Variants in SIAH2 observed in about 807,000 individuals in gnomAD.
SIAH2 encodes E3 ubiquitin-protein ligase SIAH2.
SIAH2 carries 4 observed loss-of-function variants against 20.4 expected under a neutral mutation model. That is an observed-to-expected ratio of 0.20 (90% confidence interval 0.10 to 0.45). The LOEUF is 0.45. SIAH2 is among the 20% of genes least tolerant of loss of function. SIAH2 has a pLI of 0.99. For missense variants in SIAH2, 259 were observed against 440.3 expected, an observed-to-expected ratio of 0.59 and a Z score of 3.69; for synonymous variants, 171 against 192.5, an observed-to-expected ratio of 0.89 and a Z score of 0.93.
At chr3:150,743,693 G>A (rs988797734) in intron 1 of SIAH2, among the ~76,000 whole-genome samples, 9 of 152,066 alleles carry the variant, frequency 5.9e-5, no homozygotes, top group Admixed American at 3.3e-4. Context: ...CATACCTGCC[G>A]TGGCAAAAGA....
At chr3:150,758,529 T>C (rs1415693439) in intron 1 of SIAH2, among the ~76,000 whole-genome samples, 2 of 150,262 alleles carry the variant, frequency 1.3e-5, no homozygotes. Context: ...GATTAAAAAA[T>C]ACCCCAAGCG....
intron 1 of SIAH2, among the ~76,000 whole-genome samples, chr3:150,755,242 A>G (rs1400477567): frequency 6.6e-6 from 1 of 151,376 alleles, no homozygotes; most frequent in African/African-American, 2.4e-5. Context: ...CAAAGATACT[A>G]TCTTTGCTGA....
intron 1 of SIAH2, among the ~76,000 whole-genome samples, chr3:150,757,613 G>C (rs757826399): frequency 9.2e-5 from 14 of 151,940 alleles, no homozygotes; most frequent in Non-Finnish European, 1.9e-4. Context: ...GTGGTGGTTC[G>C]CTTTGTCTGC....
At chr3:150,755,261 T>G (rs1393194447) in intron 1 of SIAH2, among the ~76,000 whole-genome samples, 1 of 151,878 alleles carries the variant, frequency 6.6e-6, no homozygotes, top group East Asian at 1.9e-4. Context: ...GATTCAAAAT[T>G]TTAAAGCAGT....
chr3:150,747,538 A>C (rs908836207), intron 1 of SIAH2, among the ~76,000 whole-genome samples: 1 of 152,340 alleles, frequency 6.6e-6, no homozygotes, highest in African/African-American at 2.4e-5. Flanking sequence ...GCTATAAATG[A>C]GATTTCTCCT....
rs1308393258 is a variant in SIAH2, at chr3:150,763,156, C to G, written c.-307G>C. 1 of 154,730 alleles carries G rather than the reference C, an allele frequency of 6.5e-6. No homozygotes were observed. Among genetic ancestry groups the G allele is most frequent in the Non-Finnish European group, 1.4e-5 (1 of 70,346 alleles). 9.6% of individuals were successfully genotyped at this position (154,730 alleles called of 1,614,324 possible). A position where few individuals can be genotyped will look rare whatever the true frequency, so the allele number is the denominator to read the frequency against. ...CCTGGCCCACCCGCTTCTGGAACAG[C>G]CGCTGACGCAAGCCCCGGGGGCGCG... On this transcript the variant is annotated 5_prime_UTR_variant, in exon 1 of 2. Transcript: ENST00000312960. This position sits in a 1 kb window ranked among gnomAD's most constrained non-coding sequence, Gnocchi z 4.1.
chr3:150,749,418 T>C (rs910662580), intron 1 of SIAH2, among the ~76,000 whole-genome samples: 1 of 151,966 alleles, frequency 6.6e-6, no homozygotes, highest in East Asian at 1.9e-4. Flanking sequence ...GGTGAGAGGA[T>C]TGCTTGAGCC....
At position 150,762,697 on chromosome 3, in the gene SIAH2, C is replaced by T; in HGVS notation, c.153G>A (p.Ala51=). 7.7e-7 allele frequency: 1 copy of T among 1,297,636 alleles called. No homozygotes were observed. Among genetic ancestry groups the T allele is most frequent in the South Asian group, 2.4e-5 (1 of 41,484 alleles). 80.4% of individuals were successfully genotyped at this position (1,297,636 alleles called of 1,614,324 possible). Residue 51 remains alanine (A), a synonymous_variant, in exon 1 of 2, where the codon GCG becomes GCA. Transcript: ENST00000312960. The surrounding 1 kb of genome is among the most constrained non-coding windows in gnomAD (Gnocchi z 6.6). ...AGPGSSAVPA[A]AAVISGPGGG... is the part of the protein sequence containing the mutation. The stretch of plus-strand genomic sequence containing the variant: ...CGCCGGGGCCCGAGATCACCGCCGC[C>T]GCGGCGGGCACCGCGGACGAGCCGG...
Position 150,762,167 on chromosome 3 carries a change from T to C in SIAH2, c.417+266A>G, listed in dbSNP as rs1055857693. 4 of 539,230 alleles carry C rather than the reference T, an allele frequency of 7.4e-6. No homozygotes were observed. Among genetic ancestry groups the C allele is most frequent in the African/African-American group, 3.9e-5 (2 of 51,224 alleles). 33.4% of individuals were successfully genotyped at this position (539,230 alleles called of 1,614,324 possible). ...TACACGTCTGCAGAGGACGCGGGCA[T>C]TGGGCCGGGTGAGCTACGATGTTCT... is the stretch of plus-strand genomic sequence containing the variant. On this transcript the variant is annotated intron_variant, in intron 1 of 1. Transcript: ENST00000312960. This position sits in a 1 kb window ranked among gnomAD's most constrained non-coding sequence, Gnocchi z 6.6.
chr3:150,759,921 G>A (rs987013769), intron 1 of SIAH2, among the ~76,000 whole-genome samples: 1 of 152,164 alleles, frequency 6.6e-6, no homozygotes, highest in Non-Finnish European at 1.5e-5. Context: ...TGTGGGCTCT[G>A]GTACTTTATT....
chr3:150,744,598 G>T (rs1371925467), intron 1 of SIAH2, among the ~76,000 whole-genome samples: 1 of 152,094 alleles, frequency 6.6e-6, no homozygotes, highest in Non-Finnish European at 1.5e-5. Context: ...TGAGTGATGG[G>T]TGAGACATTT....
intron 1 of SIAH2, among the ~76,000 whole-genome samples, chr3:150,749,899 T>G (rs563131756): frequency 1.1e-4 from 17 of 152,354 alleles, no homozygotes; most frequent in African/African-American, 3.8e-4. Context: ...CCACTCTCAG[T>G]GGTCCAAGGT....
chr3:150,756,392 C>T (rs771680851), intron 1 of SIAH2, among the ~76,000 whole-genome samples: 13 of 152,136 alleles, frequency 8.5e-5, no homozygotes, highest in East Asian at 1.9e-4. Context: ...TGAATAAGAA[C>T]GGCCATGTCT....
intron 1 of SIAH2, among the ~76,000 whole-genome samples, chr3:150,751,996 A>G (rs1023682233): frequency 1.3e-5 from 2 of 152,200 alleles, no homozygotes; most frequent in African/African-American, 2.4e-5. Flanking sequence ...ACTTTTGACC[A>G]TGTATGTTTC....
At chr3:150,760,967 G>A (rs553023030) in intron 1 of SIAH2, among the ~76,000 whole-genome samples, 4 of 152,336 alleles carry the variant, frequency 2.6e-5, no homozygotes, top group Admixed American at 2.0e-4. Flanking sequence ...ATTTATTAAG[G>A]TTGCCTGAAA....
intron 1 of SIAH2, among the ~76,000 whole-genome samples, chr3:150,749,452 C>T (rs1042020172): frequency 2.6e-5 from 4 of 152,158 alleles, no homozygotes; most frequent in Admixed American, 6.5e-5. Flanking sequence ...CTCAGTGAGC[C>T]GTGATTGTAC....
At chr3:150,759,101 C>T (rs1174042807) in intron 1 of SIAH2, among the ~76,000 whole-genome samples, 1 of 151,936 alleles carries the variant, frequency 6.6e-6, no homozygotes. Context: ...AGGCTGGTCT[C>T]GAACTCCTGA....
chr3:150,745,999 G>A (rs1714203090), intron 1 of SIAH2, among the ~76,000 whole-genome samples: 1 of 152,228 alleles, frequency 6.6e-6, no homozygotes, highest in South Asian at 2.1e-4. Context: ...GACAGGGTGA[G>A]GAGGACATGG....
chr3:150,750,921 A>G (rs1714344834), intron 1 of SIAH2, among the ~76,000 whole-genome samples: 1 of 152,224 alleles, frequency 6.6e-6, no homozygotes, highest in African/African-American at 2.4e-5. Context: ...AAAACTGTCT[A>G]TGACTTCCTC....
Sources: allele counts gnomAD v4.1 joint callset (sites outside exome capture counted in the v4.1 genomes callset), GRCh38; gene constraint gnomAD v4.1.1; non-coding constraint Gnocchi (gnomAD v3.1); transcripts MANE v1.5; gene names NCBI Gene and HGNC (gene_info 2026-07-23, HGNC 2026-07-21).